RALYL: variants seen among roughly 807,000 people sequenced by gnomAD.
The protein encoded by RALYL is RALY RNA binding protein like, also known as RNA-binding Raly-like protein.
In RALYL, 29 loss-of-function variants were observed where a neutral mutation model predicts 35.1. The ratio of observed to expected loss-of-function variants is 0.83; its 90% CI spans 0.61 to 1.13. The LOEUF is 1.13. Ranked by LOEUF, RALYL falls within the 50% of genes most tolerant of loss-of-function variation. The pLI, the probability that RALYL is intolerant of heterozygous loss-of-function variation, is 0.00. For synonymous variants in RALYL, 120 were observed against 127.6 expected, an observed-to-expected ratio of 0.94 and a Z score of 0.40; for missense variants, 359 against 360.4, an observed-to-expected ratio of 1.00 and a Z score of 0.03.
At chr8:84,833,312 T>C (rs185401014) in intron 4 of RALYL, among the ~76,000 whole-genome samples, 11 of 152,286 alleles carry the variant, frequency 7.2e-5, no homozygotes, top group Admixed American at 5.9e-4. Flanking sequence ...CCTTTTTTTA[T>C]AGACACTAAA....
chr8:84,619,785 C>T (rs1318188460), intron 2 of RALYL, among the ~76,000 whole-genome samples: 3 of 150,998 alleles, frequency 2.0e-5, no homozygotes, highest in East Asian at 1.9e-4. Context: ...TTAGGGCAGG[C>T]CTGATGGTGA....
intron 1 of RALYL, among the ~76,000 whole-genome samples, chr8:84,194,981 A>T (rs1002812988): frequency 6.6e-6 from 1 of 152,114 alleles, no homozygotes; most frequent in African/African-American, 2.4e-5. Context: ...TTGGTACAGC[A>T]ATAGGTCAGC....
intron 2 of RALYL, among the ~76,000 whole-genome samples, chr8:84,692,218 C>G (rs879519116): frequency 6.6e-6 from 1 of 151,878 alleles, no homozygotes; most frequent in Non-Finnish European, 1.5e-5. Flanking sequence ...TAGTATTACA[C>G]TAGATGTCAT....
intron 1 of RALYL, among the ~76,000 whole-genome samples, chr8:84,335,462 C>T (rs1467816090): frequency 6.6e-6 from 1 of 152,082 alleles, no homozygotes; most frequent in East Asian, 1.9e-4. Flanking sequence ...GCTAAGCAGG[C>T]AGTTCCATTA....
chr8:84,435,830 C>T (rs1004644557), intron 1 of RALYL, among the ~76,000 whole-genome samples: 1 of 152,178 alleles, frequency 6.6e-6, no homozygotes, highest in Non-Finnish European at 1.5e-5. Context: ...AGGGCAGGAC[C>T]CAGTCTTTCC....
chr8:84,615,570 C>CTTTTTTTTTTTTTTTT (rs60428128), intron 2 of RALYL, among the ~76,000 whole-genome samples: 14 of 67,368 alleles, frequency 2.1e-4, no homozygotes, highest in African/African-American at 4.5e-4. Context: ...GAACTTTCGT[C>CTTTTTTTTTTTTTTTT]TTTTTTTTTT....
At chr8:84,786,076 T>C (rs1373253988) in intron 3 of RALYL, among the ~76,000 whole-genome samples, 1 of 152,220 alleles carries the variant, frequency 6.6e-6, no homozygotes, top group East Asian at 1.9e-4. Context: ...TGAGAACATG[T>C]GGTATTTGGT....
chr8:84,630,796 T>C (rs946535939), intron 2 of RALYL, among the ~76,000 whole-genome samples: 4 of 151,966 alleles, frequency 2.6e-5, no homozygotes, highest in Non-Finnish European at 5.9e-5. Context: ...AGAGTAGAAA[T>C]GTGAAGATTA....
intron 4 of RALYL, among the ~76,000 whole-genome samples, chr8:84,846,893 G>T (rs1217777432): frequency 6.6e-6 from 1 of 152,136 alleles, no homozygotes; most frequent in Non-Finnish European, 1.5e-5. Flanking sequence ...TTTATTTAGA[G>T]AGCCAACTTT....
chr8:84,655,137 AC>A (rs1829713539), intron 2 of RALYL, among the ~76,000 whole-genome samples: 1 of 152,096 alleles, frequency 6.6e-6, no homozygotes, highest in African/African-American at 2.4e-5. Flanking sequence ...AGTCATTTTG[AC>A]TGGAGTGAGA....
intron 2 of RALYL, among the ~76,000 whole-genome samples, chr8:84,672,441 C>T (rs1833448820): frequency 6.6e-6 from 1 of 152,206 alleles, no homozygotes; most frequent in African/African-American, 2.4e-5. Flanking sequence ...CCAACCTCTG[C>T]CTGTTACCCA....
intron 2 of RALYL, among the ~76,000 whole-genome samples, chr8:84,588,473 A>G (rs187304121): frequency 1.3e-5 from 2 of 152,312 alleles, no homozygotes; most frequent in East Asian, 1.9e-4. Flanking sequence ...CTGCAGTACT[A>G]TTTATGTGAG....
chr8:84,857,116 C>CT (rs1716125106), intron 5 of RALYL, among the ~76,000 whole-genome samples: 1 of 148,322 alleles, frequency 6.7e-6, no homozygotes, highest in South Asian at 2.2e-4. Flanking sequence ...AGGCACCTTA[C>CT]TTTGGTTTTA....
At chr8:84,231,373 AC>A (rs1563574884) in intron 1 of RALYL, among the ~76,000 whole-genome samples, 2 of 152,188 alleles carry the variant, frequency 1.3e-5, no homozygotes, top group South Asian at 4.1e-4. Flanking sequence ...ATATTGTATG[AC>A]TTTTATTCAC....
intron 2 of RALYL, among the ~76,000 whole-genome samples, chr8:84,708,514 T>C (rs1841601860): frequency 6.6e-6 from 1 of 152,144 alleles, no homozygotes; most frequent in Admixed American, 6.6e-5. Context: ...AAAAAATGTT[T>C]GCATATATCA....
At chr8:84,288,158 C>T (rs1300943706) in intron 1 of RALYL, among the ~76,000 whole-genome samples, 3 of 150,366 alleles carry the variant, frequency 2.0e-5, no homozygotes, top group Admixed American at 1.3e-4. Context: ...GGTGGTTCTC[C>T]TGTTTTTTTT....
intron 1 of RALYL, among the ~76,000 whole-genome samples, chr8:84,240,003 A>G (rs1827518664): frequency 1.3e-5 from 2 of 152,220 alleles, no homozygotes; most frequent in Admixed American, 6.5e-5. Flanking sequence ...TGATTTACAC[A>G]GTAAAAGTGA....
At chr8:84,533,073 G>A (rs1389856864) in intron 2 of RALYL, among the ~76,000 whole-genome samples, 1 of 151,970 alleles carries the variant, frequency 6.6e-6, no homozygotes, top group Non-Finnish European at 1.5e-5. Context: ...TCATTATTCA[G>A]AATTTTTTTA....
intron 1 of RALYL, among the ~76,000 whole-genome samples, chr8:84,210,104 C>A (rs1819098849): frequency 6.6e-6 from 1 of 152,112 alleles, no homozygotes; most frequent in African/African-American, 2.4e-5. Context: ...TGACAGTACA[C>A]AGCTCAAGGT....
Sources: gnomAD v4.1 joint callset for allele counts (sites outside exome capture counted in the v4.1 genomes callset) on GRCh38, gnomAD v4.1.1 for gene constraint, MANE v1.5 for transcripts, NCBI Gene and HGNC (gene_info 2026-07-23, HGNC 2026-07-21) for gene names.